The following MARCHF1 variants were observed in gnomAD, a reference collection of about 807,000 sequenced individuals.
MARCHF1 encodes the protein E3 ubiquitin-protein ligase MARCHF1.
In MARCHF1, 40 loss-of-function variants were observed where a neutral mutation model predicts 54.2. The observed-to-expected ratio is 0.74, with a 90% CI of 0.57 to 0.96. The LOEUF (loss-of-function observed/expected upper bound fraction) is 0.96. MARCHF1 is among the 40% of genes least tolerant of loss of function. The pLI is 0.00. For missense variants in MARCHF1, 586 were observed against 656.5 expected (o/e 0.89, Z 1.17); for synonymous variants, 236 against 236.3 (o/e 1.00, Z 0.01).
rs1031232936 is a variant in MARCHF1 at position 163,555,214 on chromosome 4, G to A, written c.1192-9471C>T. Among the ~76,000 whole-genome samples the A allele has an allele frequency of 2.0e-5, 3 of 152,294 alleles. No individual in the cohort carries two copies. In the South Asian group the frequency reaches 6.2e-4, roughly 32 times the overall value. The stretch of plus-strand genomic sequence containing the variant: ...AAAAGTTAAAATTGCAAATTCCTAA[G>A]CTTTGTTCCAGATTTATATCTGGGG... On this transcript the variant is annotated intron_variant, in intron 8 of 9. Transcript: ENST00000514618.
At chr4:164,241,838 C>T (rs182961771) in intron 1 of MARCHF1, among the ~76,000 whole-genome samples, 70 of 152,284 alleles carry the variant, frequency 4.6e-4, no homozygotes, top group Non-Finnish European at 7.4e-4. Flanking sequence ...TCAGGGAGTT[C>T]CCTTTCTGAG....
chr4:164,328,219 T>C (rs1735332458), intron 1 of MARCHF1, among the ~76,000 whole-genome samples: 2 of 152,192 alleles, frequency 1.3e-5, no homozygotes, highest in Admixed American at 1.3e-4. Flanking sequence ...CATTAGTGCA[T>C]CAAATTAGGT....
At chr4:163,778,279 C>T (rs778065946) in intron 4 of MARCHF1, among the ~76,000 whole-genome samples, 1 of 152,102 alleles carries the variant, frequency 6.6e-6, no homozygotes, top group Non-Finnish European at 1.5e-5. Context: ...TGGGTAAATA[C>T]CTAGGAGACA....
At chr4:163,843,939 T>C (rs1212762890) in intron 4 of MARCHF1, among the ~76,000 whole-genome samples, 1 of 152,094 alleles carries the variant, frequency 6.6e-6, no homozygotes, top group African/African-American at 2.4e-5. Flanking sequence ...TTAAGAATTG[T>C]TCGCTCATGC....
chr4:163,699,493 T>C (rs1408701941), intron 5 of MARCHF1, among the ~76,000 whole-genome samples: 1 of 152,218 alleles, frequency 6.6e-6, no homozygotes, highest in Non-Finnish European at 1.5e-5. Flanking sequence ...ACAATTTTTT[T>C]CTTAATGAGT....
intron 4 of MARCHF1, among the ~76,000 whole-genome samples, chr4:163,751,751 C>T (rs994038276): frequency 2.0e-5 from 3 of 151,940 alleles, no homozygotes; most frequent in African/African-American, 7.3e-5. Context: ...TGTCACTTCT[C>T]CTCAAGTAGG....
At chr4:163,943,530 T>C (rs920901741) in intron 3 of MARCHF1, among the ~76,000 whole-genome samples, 2 of 152,092 alleles carry the variant, frequency 1.3e-5, no homozygotes, top group African/African-American at 4.8e-5. Flanking sequence ...TAGGGTTCCA[T>C]TGGCCTATGT....
chr4:164,332,203 C>T (rs190582859), intron 1 of MARCHF1, among the ~76,000 whole-genome samples: 2 of 152,290 alleles, frequency 1.3e-5, no homozygotes, highest in South Asian at 2.1e-4. Flanking sequence ...TCACTTTCAG[C>T]ACACCCAGAG....
intron 4 of MARCHF1, among the ~76,000 whole-genome samples, chr4:163,817,288 T>C (rs567746661): frequency 1.4e-4 from 22 of 152,042 alleles, no homozygotes; most frequent in Non-Finnish European, 2.6e-4. Flanking sequence ...TGTTTGTGTG[T>C]ATACATATAC....
Position 164,357,222 on chromosome 4 carries a change from A to G in MARCHF1, c.-323+26648T>C, listed in dbSNP as rs564831166. 1.6e-3 allele frequency among the ~76,000 whole-genome samples: 242 copies of G among 152,248 alleles called. 1 individual carries two copies. The highest frequency in any genetic ancestry group is 3.0e-3 in the Non-Finnish European group (203 of 68,002). On this transcript the variant is annotated intron_variant, in intron 1 of 9. Coordinates refer to ENST00000514618, the MANE Select transcript of MARCHF1 (RefSeq NM_001394959.1). The stretch of plus-strand genomic sequence containing the variant: ...TCCCAAATCAGTTTCAGCAAGTTAA[A>G]CATGACCAGGGCTCATTCATTTTTC...
At chr4:163,679,157 C>T in intron 5 of MARCHF1, among the ~76,000 whole-genome samples, 1 of 152,138 alleles carries the variant, frequency 6.6e-6, no homozygotes, top group East Asian at 1.9e-4. Context: ...GTTTCCTTTC[C>T]TGCTAGAATG....
At chr4:163,623,625 A>T (rs552144762) in intron 5 of MARCHF1, among the ~76,000 whole-genome samples, 1 of 152,306 alleles carries the variant, frequency 6.6e-6, no homozygotes, top group East Asian at 1.9e-4. Context: ...CAGGTGGAAA[A>T]TTCTAAGAGA....
At chr4:163,782,457 G>C (rs1747492196) in intron 4 of MARCHF1, among the ~76,000 whole-genome samples, 1 of 152,038 alleles carries the variant, frequency 6.6e-6, no homozygotes, top group East Asian at 1.9e-4. Flanking sequence ...GATCACTTGA[G>C]GCCAGAAGTT....
intron 1 of MARCHF1, among the ~76,000 whole-genome samples, chr4:164,375,261 A>T (rs1731153763): frequency 6.6e-6 from 1 of 152,176 alleles, no homozygotes; most frequent in African/African-American, 2.4e-5. Context: ...TTTTAATTGA[A>T]ATGTTGTACT....
chr4:163,857,107 GA>G (rs1191423637), intron 3 of MARCHF1, among the ~76,000 whole-genome samples: 180 of 130,084 alleles, frequency 1.4e-3, no homozygotes, highest in East Asian at 1.0e-2. Flanking sequence ...GGGAGAGAGA[GA>G]AAAAAAAAAA....
rs910778092 is a variant in MARCHF1, at chr4:163,883,231, G to A, written c.-38-29062C>T. ...ATAACTATTTGAGATATATATATAT[G>A]TGTATATGTGTGTGTATATATATAT... On this transcript the variant is annotated intron_variant, in intron 3 of 9. Transcript: ENST00000514618. 9.5e-5 allele frequency among the ~76,000 whole-genome samples: 12 copies of A among 126,184 alleles called. No homozygotes were observed. In the Admixed American group the frequency reaches 9.6e-4, roughly 10 times the overall value. The allele number at this position is 126,184 out of a possible 152,430, so 82.8% of individuals were successfully genotyped here.
chr4:163,819,999 T>C (rs1005124603), intron 4 of MARCHF1, among the ~76,000 whole-genome samples: 1 of 152,104 alleles, frequency 6.6e-6, no homozygotes, highest in Admixed American at 6.6e-5. Context: ...AAAACAAACC[T>C]AAATCAATAA....
chr4:163,640,342 T>C (rs566532681), intron 5 of MARCHF1, among the ~76,000 whole-genome samples: 109 of 152,262 alleles, frequency 7.2e-4, no homozygotes, highest in Non-Finnish European at 1.2e-3. Flanking sequence ...CATGAAGCCA[T>C]ATCCATGTGA....
rs529601357 is a variant in MARCHF1, at chr4:163,722,035, T to C, written c.112-21172A>G. Among the ~76,000 whole-genome samples, 10 of 152,250 alleles carry C rather than the reference T, an allele frequency of 6.6e-5. No homozygotes were observed. The South Asian group carries it at 2.1e-3, about 32-fold the overall frequency. On this transcript the variant is annotated intron_variant, in intron 4 of 9. Transcript: ENST00000514618. ...TTTTTGTGTTTTTATCTCCTTTAGTTCTTCTCTAATCTTAGTTATTTCTTG... is the reference window on the plus strand; with the variant it reads ...TTTTTGTGTTTTTATCTCCTTTAGTCCTTCTCTAATCTTAGTTATTTCTTG...
Sources: allele counts gnomAD v4.1 joint callset (sites outside exome capture counted in the v4.1 genomes callset), GRCh38; gene constraint gnomAD v4.1.1; transcripts MANE v1.5; gene names NCBI Gene and HGNC (gene_info 2026-07-23, HGNC 2026-07-21).